Variants in MROH9 observed in about 807,000 individuals in gnomAD.
MROH9 encodes the protein maestro heat-like repeat-containing protein family member 9.
A neutral mutation model predicts 98.2 loss-of-function variants in MROH9; 92 were observed. The ratio of observed to expected loss-of-function variants is 0.94; its 90% CI spans 0.79 to 1.11. The LOEUF (loss-of-function observed/expected upper bound fraction) is 1.11, where lower values mean the gene tolerates loss of function less well. Ranked by LOEUF, MROH9 falls within the 50% of genes most tolerant of loss-of-function variation. The pLI is 0.00. For missense variants in MROH9, 1,057 were observed against 1,014.8 expected, an observed-to-expected ratio of 1.04 and a Z score of -0.57; for synonymous variants, 397 against 368.9, an observed-to-expected ratio of 1.08 and a Z score of -0.87.
At chr1:171,015,179 G>A (rs1438958277) in intron 16 of MROH9, 3 of 403,866 alleles carry the variant, frequency 7.4e-6, no homozygotes, top group Non-Finnish European at 1.5e-5. Context: ...CCTATCAGTG[G>A]ACACCCGTTG....
chr1:170,980,186 C>T (rs1409955183), intron 8 of MROH9, among the ~76,000 whole-genome samples: 1 of 152,088 alleles, frequency 6.6e-6, no homozygotes. Flanking sequence ...AGATTCAATG[C>T]TATTCCTATC....
At chr1:170,943,501 A>G (rs886161428) in intron 1 of MROH9, among the ~76,000 whole-genome samples, 1 of 152,034 alleles carries the variant, frequency 6.6e-6, no homozygotes, top group African/African-American at 2.4e-5. Context: ...TGCCATGAAC[A>G]TATAGATTCA....
At position 170,988,886 on chromosome 1, in the gene MROH9, A is replaced by G. The variant is rs183685523; in HGVS notation, c.880-969A>G. 2.9e-3 allele frequency among the ~76,000 whole-genome samples: 436 copies of G among 152,276 alleles called. 1 individual carries two copies. The highest frequency in any genetic ancestry group is 9.9e-3 in the African/African-American group (413 of 41,560). The stretch of plus-strand genomic sequence containing the variant: ...GGTGGCTTGCTTTAGAGGTATTTGC[A>G]TTTAAAATAGGAAGAGGACAACTAG... On this transcript the variant is annotated intron_variant, in intron 10 of 21. Transcript: ENST00000367759.
chr1:170,973,116 T>TACACAC, intron 8 of MROH9, among the ~76,000 whole-genome samples: 1 of 145,726 alleles, frequency 6.9e-6, no homozygotes, highest in Non-Finnish European at 1.5e-5. Context: ...TGCACACGCA[T>TACACAC]ACACACACAC....
At chr1:170,975,570 G>A (rs1369718422) in intron 8 of MROH9, among the ~76,000 whole-genome samples, 1 of 152,110 alleles carries the variant, frequency 6.6e-6, no homozygotes, top group Admixed American at 6.5e-5. Flanking sequence ...CCACTTTTAT[G>A]AGTCTCTAAT....
At chr1:171,013,109 ACTT>A (rs569351092) in intron 15 of MROH9, among the ~76,000 whole-genome samples, 123 of 152,098 alleles carry the variant, frequency 8.1e-4, no homozygotes, top group African/African-American at 2.7e-3. Context: ...CTCTCTAAAC[ACTT>A]CTTCTAGCTA....
chr1:170,992,268 A>T lies in MROH9; in HGVS notation c.1133A>T (p.Glu378Val). 6.2e-7 allele frequency: 1 copy of T among 1,613,608 alleles called. No individual in the cohort carries two copies. The highest frequency in any genetic ancestry group is 8.5e-7 in the Non-Finnish European group (1 of 1,179,686). ...CTGAAAGGAAAGCCTGGGGAAATGG[A>T]GGACACCGTAACGGAAGGGAAACGT... ...LILKGKPGEM[E>V]DTVTEGKRFS... is the part of the protein sequence containing the mutation. The change falls in exon 12 of 22, where the codon GAG (glutamate) becomes GTG (valine). Residue 378 changes from glutamate (E) to valine (V), a missense_variant. Physicochemically the swap from Glu to Val is moderately radical, Grantham distance 121. Coordinates refer to ENST00000367759, the MANE Select transcript of MROH9 (RefSeq NM_001163629.2).
At chr1:170,998,596 T>C (rs942815070) in intron 15 of MROH9, 79 of 1,314,624 alleles carry the variant, frequency 6.0e-5, no homozygotes, top group Non-Finnish European at 6.9e-5. Context: ...TAATTGGGTT[T>C]AATAAAGATG....
intron 6 of MROH9, among the ~76,000 whole-genome samples, chr1:170,963,817 T>G (rs751025328): frequency 8.6e-5 from 13 of 151,958 alleles, no homozygotes; most frequent in Non-Finnish European, 1.9e-4. Flanking sequence ...GAACAAGAGA[T>G]ACTGGGGCCT....
intron 3 of MROH9, among the ~76,000 whole-genome samples, chr1:170,951,911 A>G (rs1054966605): frequency 6.6e-6 from 1 of 152,168 alleles, no homozygotes; most frequent in Non-Finnish European, 1.5e-5. Flanking sequence ...TACAGCAGCC[A>G]TGGGACGGTA....
Position 171,064,277 on chromosome 1 carries a change from A to G in MROH9, c.2523A>G (p.Ser841=). The G allele has an allele frequency of 1.3e-6, 2 of 1,551,164 alleles. No individual in the cohort carries two copies. Among genetic ancestry groups the G allele is most frequent in the South Asian group, 1.2e-5 (1 of 83,978 alleles). ...KKLKPLYNYN[S]PNGQIDSPTD... ...TGAAGCCTCTTTACAATTATAACTC[A>G]CCCAATGGCCAGATAGACAGTCCTA... Residue 841 remains serine (S), a synonymous_variant, in exon 22 of 22, where the codon TCA becomes TCG. Transcript: ENST00000367759.
At chr1:170,994,590 AT>A (rs998670439) in intron 12 of MROH9, among the ~76,000 whole-genome samples, 1 of 152,136 alleles carries the variant, frequency 6.6e-6, no homozygotes, top group African/African-American at 2.4e-5. Flanking sequence ...CCCGTCAAGC[AT>A]TTATTCTTTG....
At chr1:170,945,396 C>A in intron 1 of MROH9, 124 bp from the exon 2 acceptor site, 1 of 629,564 alleles carries the variant, frequency 1.6e-6, no homozygotes, top group Non-Finnish European at 2.8e-6. Flanking sequence ...TAAATTGATG[C>A]ACAGCTATAG....
chr1:170,942,436 CAA>C (rs76957374), intron 1 of MROH9, among the ~76,000 whole-genome samples: 7,535 of 151,160 alleles, frequency 0.05, 215 homozygotes, highest in Admixed American at 0.065. Flanking sequence ...ATAATTTTAT[CAA>C]GAGTAAAATT....
At chr1:171,036,131 C>T (rs1442091351) in intron 20 of MROH9, among the ~76,000 whole-genome samples, 2 of 152,056 alleles carry the variant, frequency 1.3e-5, no homozygotes, top group Non-Finnish European at 2.9e-5. Context: ...ACAAAAAGTA[C>T]ATATTGTACA....
chr1:170,957,787 A>ATTTTTTTT (rs1372647484), intron 3 of MROH9, among the ~76,000 whole-genome samples: 1 of 127,994 alleles, frequency 7.8e-6, no homozygotes. Context: ...CCCTGCTGGC[A>ATTTTTTTT]TTTTTTTGTT....
At chr1:171,002,924 A>T (rs887872158) in intron 15 of MROH9, among the ~76,000 whole-genome samples, 7 of 149,386 alleles carry the variant, frequency 4.7e-5, no homozygotes, top group African/African-American at 1.7e-4. Context: ...ATAATCCCAG[A>T]CTTCTTGGTG....
chr1:171,014,345 A>G (rs1160194008), intron 16 of MROH9, 91 bp downstream of exon 16: 14 of 1,249,966 alleles, frequency 1.1e-5, no homozygotes, highest in Non-Finnish European at 1.3e-5. Context: ...CAAAGCGGTG[A>G]TATTTTTCAG....
At chr1:170,977,931 C>T (rs1220560404) in intron 8 of MROH9, among the ~76,000 whole-genome samples, 2 of 152,192 alleles carry the variant, frequency 1.3e-5, no homozygotes, top group Non-Finnish European at 2.9e-5. Context: ...GAGCAGGGAA[C>T]ATGAGTAGAA....
Sources: gnomAD v4.1 joint callset for allele counts (sites outside exome capture counted in the v4.1 genomes callset) on GRCh38, gnomAD v4.1.1 for gene constraint, MANE v1.5 for transcripts, NCBI Gene and HGNC (gene_info 2026-07-23, HGNC 2026-07-21) for gene names.